CMSS1: variants seen among roughly 807,000 people sequenced by gnomAD.
CMSS1 encodes the protein protein CMSS1.
CMSS1 carries 33 observed loss-of-function variants against 43.5 expected under a neutral mutation model. The ratio of observed to expected loss-of-function variants is 0.76; its 90% CI spans 0.57 to 1.01. The LOEUF (loss-of-function observed/expected upper bound fraction) is 1.01, where lower values mean the gene tolerates loss of function less well. CMSS1 is among the 50% of genes least tolerant of loss of function. CMSS1 has a pLI of 0.00. For missense variants in CMSS1, 313 were observed against 326.4 expected (o/e 0.96, Z 0.32); for synonymous variants, 115 against 117.2 (o/e 0.98, Z 0.12).
chr3:99,918,837 G>A (rs1270774034), intron 1 of CMSS1, among the ~76,000 whole-genome samples: 1 of 152,108 alleles, frequency 6.6e-6, no homozygotes, highest in Non-Finnish European at 1.5e-5. Context: ...TCTCCATTTT[G>A]TTCTGTCAAA....
In CMSS1 at chr3:100,167,745, T is replaced by C; in HGVS notation, c.423T>C (p.Pro141=). 1.9e-6 allele frequency: 3 copies of C among 1,610,326 alleles called. No individual in the cohort carries two copies. The South Asian group carries it at 3.3e-5, about 18-fold the overall frequency. ...SLSSYLKEIC[P]KWVKLRKNHS... ...TTCTGTTCTTTTTTCCAGTTTGTCC[T>C]AAGTGGGTAAAACTTAGGAAGAACC... The change falls in exon 6 of 10, where the codon CCT becomes CCC. Residue 141 remains proline, a synonymous_variant. Coordinates refer to ENST00000421999, the MANE Select transcript of CMSS1 (RefSeq NM_032359.4).
chr3:99,892,703 C>G (rs138616159), intron 1 of CMSS1, among the ~76,000 whole-genome samples: 92 of 152,296 alleles, frequency 6.0e-4, no homozygotes, highest in African/African-American at 2.0e-3. Flanking sequence ...TCCCATAACT[C>G]TCCCCCAATT....
At chr3:99,848,197 G>A in intron 1 of CMSS1, 1 of 1,562,362 alleles carries the variant, frequency 6.4e-7, no homozygotes, top group Middle Eastern at 1.7e-4. Flanking sequence ...CAGTCTTGGG[G>A]GATATGGAGG....
In CMSS1 at chr3:99,849,948, CTCT is replaced by C. The variant is rs766306040; in HGVS notation, c.64+31911_64+31913del. The C allele has an allele frequency of 2.5e-6, 4 of 1,613,018 alleles. No individual in the cohort carries two copies. The Admixed American group carries it at 5.0e-5, about 20-fold the overall frequency. ...CTCTTGACAGGAGATCATTTCCTTTCTCTTCTTCCGCTTTCAATTTGTTTTTTA... is the reference window on the plus strand; with the variant it reads ...CTCTTGACAGGAGATCATTTCCTTTCTCTTCCGCTTTCAATTTGTTTTTTA... On this transcript the variant is annotated intron_variant, in intron 1 of 9. Transcript: ENST00000421999.
chr3:100,101,935 A>G (rs1332266303), intron 1 of CMSS1, among the ~76,000 whole-genome samples: 2 of 152,078 alleles, frequency 1.3e-5, no homozygotes, highest in South Asian at 2.1e-4. Flanking sequence ...CCATGTCCCT[A>G]CAAAGGACAT....
chr3:99,989,560 A>G (rs1709450601), intron 1 of CMSS1, among the ~76,000 whole-genome samples: 1 of 152,054 alleles, frequency 6.6e-6, no homozygotes, highest in African/African-American at 2.4e-5. Flanking sequence ...CTGCAGTTTC[A>G]CTGCTCTTGC....
At chr3:99,842,578 A>G (rs1943183995) in intron 1 of CMSS1, among the ~76,000 whole-genome samples, 1 of 152,050 alleles carries the variant, frequency 6.6e-6, no homozygotes, top group Non-Finnish European at 1.5e-5. Flanking sequence ...ATGAGGAGGA[A>G]GAAGAACTCA....
chr3:99,838,873 T>G (rs1396718705), intron 1 of CMSS1, among the ~76,000 whole-genome samples: 1 of 152,200 alleles, frequency 6.6e-6, no homozygotes, highest in African/African-American at 2.4e-5. Context: ...TACCTCACTA[T>G]GCAGAAACCT....
chr3:100,029,023 C>T (rs1395219385), intron 1 of CMSS1, among the ~76,000 whole-genome samples: 1 of 151,986 alleles, frequency 6.6e-6, no homozygotes, highest in East Asian at 1.9e-4. Context: ...AATTATTTTT[C>T]TTTAAAAAAA....
intron 1 of CMSS1, among the ~76,000 whole-genome samples, chr3:99,984,060 T>TGTGTGTGTGTGTGTGTGTTTG (rs1559714079): frequency 8.0e-5 from 2 of 25,024 alleles, no homozygotes; most frequent in African/African-American, 3.1e-4. Context: ...GTATGTGTGT[T>TGTGTGTGTGTGTGTGTGTTTG]TGTGTGTGTG....
rs537771485 is a variant in CMSS1 at position 99,910,940 on chromosome 3, G to A, written c.64+92897G>A. On this transcript the variant is annotated intron_variant, in intron 1 of 9. Coordinates refer to ENST00000421999, the MANE Select transcript of CMSS1 (RefSeq NM_032359.4). Reference sequence around the variant, plus strand: ...CAACCCTTTTCAAGGATGAAGAGATGGAGACTGGCCTGTCTTCTTGGCAGA... The same window carrying A: ...CAACCCTTTTCAAGGATGAAGAGATAGAGACTGGCCTGTCTTCTTGGCAGA... 2.9e-4 allele frequency among the ~76,000 whole-genome samples: 44 copies of A among 152,286 alleles called. 1 individual carries two copies. The South Asian group carries it at 8.3e-3, about 29-fold the overall frequency.
chr3:100,160,360 G>C, intron 2 of CMSS1, 70 bp from the exon 3 acceptor site: 1 of 751,292 alleles, frequency 1.3e-6, no homozygotes, highest in Non-Finnish European at 2.3e-6. Context: ...AAAGTACTTT[G>C]GGGTTCATGC....
intron 1 of CMSS1, among the ~76,000 whole-genome samples, chr3:99,981,802 C>G (rs1709132524): frequency 6.6e-6 from 1 of 152,116 alleles, no homozygotes; most frequent in South Asian, 2.1e-4. Context: ...TTCACACATG[C>G]ACATGCATAA....
Position 99,817,964 on chromosome 3 carries a change from C to T in CMSS1, c.-16C>T, listed in dbSNP as rs766666408. 3.1e-6 allele frequency: 5 copies of T among 1,613,720 alleles called. No individual in the cohort carries two copies. The highest frequency in any genetic ancestry group is 2.2e-5 in the East Asian group (1 of 44,874). ...CCTACCCGTGATGTTCTGCCCACGT[C>T]GAGACCTGAGCTGAAATGGCAGACG... On this transcript the variant is annotated 5_prime_UTR_variant, in exon 1 of 10. It introduces an in-frame stop codon into an upstream open reading frame of the 5' UTR. Coordinates refer to ENST00000421999, the MANE Select transcript of CMSS1 (RefSeq NM_032359.4).
chr3:100,113,972 G>A (rs1353269767), intron 1 of CMSS1: 3 of 152,042 alleles, frequency 2.0e-5, no homozygotes, highest in Non-Finnish European at 4.4e-5. Flanking sequence ...TTGGAGAGTG[G>A]TGTTGGCCGC....
At chr3:99,959,003 ATTTG>A (rs1036652205) in intron 1 of CMSS1, among the ~76,000 whole-genome samples, 1 of 152,144 alleles carries the variant, frequency 6.6e-6, no homozygotes, top group Non-Finnish European at 1.5e-5. Context: ...CTTGGTAACT[ATTTG>A]TTCCTTCATT....
intron 1 of CMSS1, chr3:99,830,661 G>GA: frequency 2.2e-6 from 1 of 449,304 alleles, no homozygotes; most frequent in Non-Finnish European, 4.5e-6. Context: ...TGGAGAAGTA[G>GA]AAATTGTTTA....
In CMSS1 at chr3:100,171,874, T is replaced by C; in HGVS notation, c.554T>C (p.Ile185Thr). 7.4e-6 allele frequency: 12 copies of C among 1,613,978 alleles called. No homozygotes were observed. The highest frequency in any genetic ancestry group is 1.0e-5 in the Non-Finnish European group (12 of 1,179,902). The part of the protein sequence containing the change: ...MTAFRGDGKV[I>T]KLFAKHIKVQ... The stretch of plus-strand genomic sequence containing the variant: ...GCATTCAGAGGAGACGGCAAAGTTA[T>C]AAAATTATTTGCAAAGCACATAAAG... Residue 185 changes from isoleucine to threonine, a missense_variant, in exon 7 of 10, where the codon ATA (isoleucine) becomes ACA (threonine). Coordinates refer to ENST00000421999, the MANE Select transcript of CMSS1 (RefSeq NM_032359.4).
chr3:100,012,128 A>G (rs1343120383), intron 1 of CMSS1, among the ~76,000 whole-genome samples: 1 of 152,222 alleles, frequency 6.6e-6, no homozygotes, highest in Non-Finnish European at 1.5e-5. Flanking sequence ...TAAAAAATGC[A>G]AAATGAAATA....
Sources: allele counts gnomAD v4.1 joint callset (sites outside exome capture counted in the v4.1 genomes callset), GRCh38; gene constraint gnomAD v4.1.1; transcripts MANE v1.5; gene names NCBI Gene and HGNC (gene_info 2026-07-23, HGNC 2026-07-21).